Variants in LINGO2 observed in about 807,000 individuals in gnomAD.
LINGO2 encodes leucine rich repeat and Ig domain containing 2.
LINGO2 carries 14 observed loss-of-function variants against 30.6 expected under a neutral mutation model. The observed-to-expected ratio is 0.46, with a 90% CI of 0.30 to 0.72. The LOEUF (loss-of-function observed/expected upper bound fraction) is 0.72, where lower values mean the gene tolerates loss of function less well. LINGO2 is among the 30% of genes least tolerant of loss of function. The probability of loss-of-function intolerance (pLI) is 0.07; values close to 1 mark genes in which losing one functional copy is unlikely to be tolerated. For synonymous variants in LINGO2, 317 were observed against 288.5 expected (o/e 1.10, Z -1.00); for missense variants, 729 against 751.7 (o/e 0.97, Z 0.35).
intron 1 of LINGO2, among the ~76,000 whole-genome samples, chr9:28,493,998 T>C (rs1387160268): frequency 6.6e-6 from 1 of 152,132 alleles, no homozygotes; most frequent in Non-Finnish European, 1.5e-5. Context: ...TGTGAGTCAA[T>C]TCTTCTTAAT....
At chr9:28,552,971 G>A (rs931384193) in intron 1 of LINGO2, among the ~76,000 whole-genome samples, 4 of 151,072 alleles carry the variant, frequency 2.6e-5, no homozygotes, top group Non-Finnish European at 5.9e-5. Flanking sequence ...ATATTTTGAA[G>A]CTTTCTTTTG....
At chr9:28,170,163 A>G (rs1205327889) in intron 4 of LINGO2, among the ~76,000 whole-genome samples, 1 of 152,244 alleles carries the variant, frequency 6.6e-6, no homozygotes, top group Non-Finnish European at 1.5e-5. Context: ...GAATGTTTGA[A>G]TAAATAAATA....
chr9:28,963,480 C>T, the LINGO2 span, among the ~76,000 whole-genome samples: 1 of 147,956 alleles, frequency 6.8e-6, no homozygotes, highest in African/African-American at 2.5e-5. Flanking sequence ...TTCACAATAT[C>T]CAAGATATGG....
chr9:28,172,424 C>G (rs1166844472), intron 4 of LINGO2, among the ~76,000 whole-genome samples: 1 of 151,690 alleles, frequency 6.6e-6, no homozygotes, highest in East Asian at 1.9e-4. Flanking sequence ...AGGCACTAAA[C>G]TAGAGCACTT....
At chr9:28,282,946 C>A (rs1823380441) in intron 4 of LINGO2, among the ~76,000 whole-genome samples, 2 of 152,110 alleles carry the variant, frequency 1.3e-5, no homozygotes, top group Non-Finnish European at 2.9e-5. Context: ...AAGGAGTAAG[C>A]CCCTGTGGCA....
At chr9:28,222,434 T>C (rs578214731) in intron 4 of LINGO2, among the ~76,000 whole-genome samples, 3 of 152,252 alleles carry the variant, frequency 2.0e-5, no homozygotes, top group African/African-American at 4.8e-5. Flanking sequence ...AACTCTTTTT[T>C]ACTACAAAAA....
intron 4 of LINGO2, among the ~76,000 whole-genome samples, chr9:28,021,437 CGTGA>C (rs1433968643): frequency 7.2e-5 from 11 of 152,154 alleles, no homozygotes; most frequent in African/African-American, 2.2e-4. Context: ...GAATGCTCCA[CGTGA>C]GTATCAGAAG....
At chr9:28,570,424 G>T (rs1206676592) in intron 1 of LINGO2, among the ~76,000 whole-genome samples, 1 of 151,722 alleles carries the variant, frequency 6.6e-6, no homozygotes, top group African/African-American at 2.4e-5. Flanking sequence ...AACAAAGATG[G>T]ATTAAAAAAA....
chr9:28,822,263 C>A, the LINGO2 span, among the ~76,000 whole-genome samples: 361 of 152,300 alleles, frequency 2.4e-3, 4 homozygotes, highest in East Asian at 0.011. Flanking sequence ...GCAAACTATA[C>A]CCTCTGCATA....
intron 4 of LINGO2, among the ~76,000 whole-genome samples, chr9:28,215,980 G>T (rs1171490266): frequency 6.6e-6 from 1 of 151,732 alleles, no homozygotes; most frequent in African/African-American, 2.4e-5. Flanking sequence ...GTTTTAAATT[G>T]CCCATAAAAA....
intron 2 of LINGO2, among the ~76,000 whole-genome samples, chr9:28,402,294 T>TC (rs1822303826): frequency 6.6e-6 from 1 of 151,890 alleles, no homozygotes; most frequent in South Asian, 2.1e-4. Flanking sequence ...CTCTTTTCTT[T>TC]CCCCCCTATT....
In LINGO2 at chr9:28,148,898, G is replaced by T. The variant is rs1827897211; in HGVS notation, c.-86-136493C>A. ...GGAGGACATGCAGCCCAAGGATCCT[G>T]CAGCTCTTGGGTCAAGTAGGTCTTC... On this transcript the variant is annotated intron_variant, in intron 4 of 5. Transcript: ENST00000379992. This position sits in a 1 kb window ranked among gnomAD's most constrained non-coding sequence, Gnocchi z 5.1. 2 of 1,533,840 alleles carry T rather than the reference G, an allele frequency of 1.3e-6. No individual in the cohort carries two copies. The highest frequency in any genetic ancestry group is 1.7e-6 in the Non-Finnish European group (2 of 1,146,566).
the LINGO2 span, among the ~76,000 whole-genome samples, chr9:28,889,978 G>A: frequency 1.3e-5 from 2 of 152,016 alleles, no homozygotes; most frequent in Admixed American, 6.6e-5. Flanking sequence ...CATGTGTATA[G>A]GCAATTATGC....
the LINGO2 span, among the ~76,000 whole-genome samples, chr9:28,799,771 T>A: frequency 6.6e-6 from 1 of 152,236 alleles, no homozygotes; most frequent in African/African-American, 2.4e-5. Context: ...CAGGCACAAC[T>A]TAAGTGTGCC....
At chr9:28,791,425 T>G in the LINGO2 span, among the ~76,000 whole-genome samples, 1 of 152,088 alleles carries the variant, frequency 6.6e-6, no homozygotes, top group Non-Finnish European at 1.5e-5. Flanking sequence ...TTAGACTATG[T>G]AAATCACCTA....
At chr9:27,940,246 A>C in the LINGO2 span, 2 of 152,142 alleles carry the variant, frequency 1.3e-5, no homozygotes, top group Non-Finnish European at 2.9e-5. Context: ...ATTTATTGAC[A>C]TGTCCTGATT....
upstream of LINGO2, among the ~76,000 whole-genome samples, chr9:28,671,672 C>G (rs969903577): frequency 6.6e-6 from 1 of 151,912 alleles, no homozygotes; most frequent in Non-Finnish European, 1.5e-5. Context: ...CAAAAAATTA[C>G]GTATCACGTA....
At chr9:28,922,536 T>C in the LINGO2 span, among the ~76,000 whole-genome samples, 1 of 152,192 alleles carries the variant, frequency 6.6e-6, no homozygotes, top group Non-Finnish European at 1.5e-5. Flanking sequence ...GTAATAACCT[T>C]ATTGTAAATC....
chr9:28,835,458 A>G, the LINGO2 span, among the ~76,000 whole-genome samples: 1 of 152,160 alleles, frequency 6.6e-6, no homozygotes, highest in Non-Finnish European at 1.5e-5. Context: ...AGCCATTTTT[A>G]TTTTCCACTT....
Sources: allele counts gnomAD v4.1 joint callset (sites outside exome capture counted in the v4.1 genomes callset), GRCh38; gene constraint gnomAD v4.1.1; non-coding constraint Gnocchi (gnomAD v3.1); transcripts MANE v1.5; gene names NCBI Gene and HGNC (gene_info 2026-07-23, HGNC 2026-07-21).